LRRC37A2: variants seen among roughly 807,000 people sequenced by gnomAD.
LRRC37A2 encodes the protein leucine-rich repeat-containing protein 37A2.
In LRRC37A2, 9 loss-of-function variants were observed where a neutral mutation model predicts 68.8. That is an observed-to-expected ratio of 0.13 (90% CI 0.08 to 0.23). The LOEUF (loss-of-function observed/expected upper bound fraction) is 0.23. LRRC37A2 is among the 10% of genes least tolerant of loss of function. The pLI, the probability that LRRC37A2 is intolerant of heterozygous loss-of-function variation, is 1.00. For synonymous variants in LRRC37A2, 63 were observed against 367.6 expected, an observed-to-expected ratio of 0.17 and a Z score of 9.48; for missense variants, 168 against 950.4, an observed-to-expected ratio of 0.18 and a Z score of 10.82.
At chr17:46,894,956 G>C in the LRRC37A2 span, among the ~76,000 whole-genome samples, 1 of 152,222 alleles carries the variant, frequency 6.6e-6, no homozygotes, top group Non-Finnish European at 1.5e-5. Flanking sequence ...GCAGGGGCCT[G>C]TGCTCGGGAC....
the LRRC37A2 span, among the ~76,000 whole-genome samples, chr17:46,856,919 C>A: frequency 6.6e-6 from 1 of 152,152 alleles, no homozygotes; most frequent in Non-Finnish European, 1.5e-5. Flanking sequence ...TTGCAATCAA[C>A]CCTCTCCCAC....
the LRRC37A2 span, among the ~76,000 whole-genome samples, chr17:46,470,619 G>T: frequency 2.3e-5 from 2 of 86,374 alleles, no homozygotes; most frequent in Admixed American, 2.4e-4. Context: ...TTGAAGACCA[G>T]CCTGGGCAAC....
the LRRC37A2 span, among the ~76,000 whole-genome samples, chr17:46,911,980 C>T: frequency 6.6e-6 from 1 of 152,060 alleles, no homozygotes; most frequent in Non-Finnish European, 1.5e-5. Flanking sequence ...CCAGAGTGAC[C>T]AATCTCTCAG....
the LRRC37A2 span, among the ~76,000 whole-genome samples, chr17:46,884,384 G>GC: frequency 6.6e-6 from 1 of 152,184 alleles, no homozygotes; most frequent in Non-Finnish European, 1.5e-5. Context: ...CCCACACCCA[G>GC]CCCCCTCTCC....
chr17:46,731,533 T>C, the LRRC37A2 span, among the ~76,000 whole-genome samples: 2 of 152,174 alleles, frequency 1.3e-5, no homozygotes, highest in Non-Finnish European at 2.9e-5. Flanking sequence ...AGAAGTGGTT[T>C]AGGAGCTACT....
the LRRC37A2 span, among the ~76,000 whole-genome samples, chr17:46,835,360 C>A: frequency 2.9e-4 from 44 of 152,178 alleles, 1 homozygote; most frequent in Admixed American, 2.6e-3. Context: ...TACAGGCACC[C>A]GCCACCACGC....
the LRRC37A2 span, among the ~76,000 whole-genome samples, chr17:46,744,581 A>G: frequency 6.6e-6 from 1 of 151,874 alleles, no homozygotes; most frequent in Admixed American, 6.6e-5. Context: ...CAGCCCTTCC[A>G]TTTCACTGCA....
At chr17:46,764,413 C>T in the LRRC37A2 span, 9 of 152,644 alleles carry the variant, frequency 5.9e-5, no homozygotes, top group African/African-American at 1.9e-4. Flanking sequence ...AAACCACACA[C>T]CATCCAGAGT....
the LRRC37A2 span, chr17:46,833,504 C>G: frequency 2.2e-6 from 1 of 457,308 alleles, no homozygotes; most frequent in Non-Finnish European, 4.4e-6. Flanking sequence ...ACCTCACTGC[C>G]TGACTTCTCT....
the LRRC37A2 span, among the ~76,000 whole-genome samples, chr17:46,714,797 A>G: frequency 2.0e-5 from 3 of 151,998 alleles, no homozygotes; most frequent in East Asian, 1.9e-4. Flanking sequence ...TCTTTTTTTC[A>G]TGCTTGATCT....
At chr17:46,960,214 AAGAT>A in the LRRC37A2 span, among the ~76,000 whole-genome samples, 3 of 152,268 alleles carry the variant, frequency 2.0e-5, no homozygotes, top group Non-Finnish European at 4.4e-5. Context: ...TTTACTAAAG[AAGAT>A]ATACAGATGG....
At chr17:46,773,107 A>G in the LRRC37A2 span, among the ~76,000 whole-genome samples, 3 of 151,806 alleles carry the variant, frequency 2.0e-5, no homozygotes, top group Admixed American at 6.6e-5. Flanking sequence ...AGCCAGTTAG[A>G]CTCCCAGGCT....
At chr17:46,802,564 G>A in the LRRC37A2 span, among the ~76,000 whole-genome samples, 26 of 152,232 alleles carry the variant, frequency 1.7e-4, no homozygotes, top group South Asian at 4.4e-3. Context: ...CACCGTGCCC[G>A]GCCAAGATTA....
the LRRC37A2 span, chr17:46,924,529 C>T: frequency 1.3e-5 from 2 of 152,176 alleles, no homozygotes; most frequent in Non-Finnish European, 2.9e-5. Flanking sequence ...GATTAAAACA[C>T]TTAAAATCAC....
chr17:47,015,913 G>A, the LRRC37A2 span, among the ~76,000 whole-genome samples: 6 of 142,708 alleles, frequency 4.2e-5, no homozygotes, highest in East Asian at 1.3e-3. Context: ...CCCTAAATGA[G>A]GTGAATCTTG....
At chr17:46,490,801 A>G in the LRRC37A2 span, among the ~76,000 whole-genome samples, 1 of 150,402 alleles carries the variant, frequency 6.6e-6, no homozygotes, top group East Asian at 1.9e-4. Context: ...AATTTAGAAA[A>G]CCCAGAACAT....
chr17:46,605,993 TACAAAAAAAAA>T, the LRRC37A2 span, among the ~76,000 whole-genome samples: 2 of 756 alleles, frequency 2.6e-3, no homozygotes, highest in Admixed American at 0.013. Flanking sequence ...CTACTAAAAA[TACAAAAAAAAA>T]AAAAAAAAAA....
chr17:46,776,920 T>A, the LRRC37A2 span, among the ~76,000 whole-genome samples: 1 of 151,650 alleles, frequency 6.6e-6, no homozygotes, highest in Non-Finnish European at 1.5e-5. Context: ...TTCCTCCCCC[T>A]CTCCCAGCCC....
chr17:46,886,678 T>C, the LRRC37A2 span: 1 of 152,260 alleles, frequency 6.6e-6, no homozygotes, highest in South Asian at 2.1e-4. Flanking sequence ...TAAGCTGTGG[T>C]TCGGAGGGAT....
Sources: allele counts gnomAD v4.1 joint callset (sites outside exome capture counted in the v4.1 genomes callset), GRCh38; gene constraint gnomAD v4.1.1; transcripts MANE v1.5; gene names NCBI Gene and HGNC (gene_info 2026-07-23, HGNC 2026-07-21).